Variants in DPF3 observed in about 807,000 individuals in gnomAD.
DPF3 encodes zinc finger protein DPF3.
In DPF3, 18 loss-of-function variants were observed where a neutral mutation model predicts 56.8. The ratio of observed to expected loss-of-function variants is 0.32; its 90% CI spans 0.22 to 0.47. The LOEUF is 0.47. DPF3 is among the 20% of genes least tolerant of loss of function. DPF3 has a pLI of 1.00. For synonymous variants in DPF3, 188 were observed against 180.2 expected, an observed-to-expected ratio of 1.04 and a Z score of -0.35; for missense variants, 403 against 488.8, an observed-to-expected ratio of 0.82 and a Z score of 1.65.
At chr14:72,794,049 GC>G (rs1486228414) in intron 1 of DPF3, among the ~76,000 whole-genome samples, 2 of 152,176 alleles carry the variant, frequency 1.3e-5, no homozygotes, top group African/African-American at 4.8e-5. Context: ...GCAGCAAAGC[GC>G]TTCAGTGAAA....
chr14:72,882,301 C>T (rs1187644181), intron 1 of DPF3, among the ~76,000 whole-genome samples: 1 of 152,128 alleles, frequency 6.6e-6, no homozygotes, highest in Non-Finnish European at 1.5e-5. Context: ...TACTTCTTTC[C>T]TTCTCCCTTT....
At chr14:72,693,271 A>G (rs1047470474) in intron 6 of DPF3, 58 bp from the exon 7 acceptor site, 1 of 1,563,316 alleles carries the variant, frequency 6.4e-7, no homozygotes, top group Non-Finnish European at 8.7e-7. Context: ...CTGTGCAGCC[A>G]CCGCTATCAT....
intron 7 of DPF3, among the ~76,000 whole-genome samples, chr14:72,686,574 T>C (rs868445128): frequency 1.3e-5 from 2 of 152,184 alleles, no homozygotes; most frequent in African/African-American, 2.4e-5. Flanking sequence ...TAGATGACCT[T>C]TGAGGCCAGA....
intron 2 of DPF3, among the ~76,000 whole-genome samples, chr14:72,760,478 C>T (rs553311710): frequency 1.3e-5 from 2 of 152,284 alleles, no homozygotes; most frequent in South Asian, 2.1e-4. Flanking sequence ...TTAATCCTGT[C>T]TTCGAAGTCC....
At chr14:72,681,285 A>C (rs1887157682) in intron 7 of DPF3, among the ~76,000 whole-genome samples, 1 of 152,198 alleles carries the variant, frequency 6.6e-6, no homozygotes, top group Non-Finnish European at 1.5e-5. Context: ...ATCGGGGCAC[A>C]GAAGAAGTGG....
At chr14:72,696,678 CA>C (rs1887913287) in intron 6 of DPF3, among the ~76,000 whole-genome samples, 1 of 152,180 alleles carries the variant, frequency 6.6e-6, no homozygotes, top group African/African-American at 2.4e-5. Context: ...CAAACCTAAG[CA>C]AAAAGCTCCC....
intron 4 of DPF3, among the ~76,000 whole-genome samples, chr14:72,724,761 T>C (rs1889327740): frequency 2.0e-5 from 3 of 149,486 alleles, no homozygotes; most frequent in Admixed American, 1.3e-4. Flanking sequence ...CAGGCTGGAG[T>C]GCAGTGGCAC....
At chr14:72,746,944 T>C (rs1890352244) in intron 3 of DPF3, among the ~76,000 whole-genome samples, 1 of 152,244 alleles carries the variant, frequency 6.6e-6, no homozygotes, top group Admixed American at 6.5e-5. Flanking sequence ...CAAAGCAGGC[T>C]GTGAACTCAG....
chr14:72,865,937 C>G (rs190658086), intron 1 of DPF3, among the ~76,000 whole-genome samples: 1 of 152,220 alleles, frequency 6.6e-6, no homozygotes, highest in Admixed American at 6.5e-5. Context: ...ATCCCAGCTA[C>G]TTGGGAGGCT....
chr14:72,766,551 G>C (rs1239489273), intron 2 of DPF3, among the ~76,000 whole-genome samples: 2 of 152,174 alleles, frequency 1.3e-5, no homozygotes, highest in East Asian at 3.9e-4. Flanking sequence ...TCCTGTGCTT[G>C]AGCAATCCTC....
At chr14:72,714,935 C>A (rs1203095782) in intron 5 of DPF3, among the ~76,000 whole-genome samples, 2 of 152,218 alleles carry the variant, frequency 1.3e-5, no homozygotes, top group African/African-American at 4.8e-5. Flanking sequence ...AGGTTGACAA[C>A]CCCAGGCCCC....
Position 72,612,331 on chromosome 14 carries a change from C to T in DPF3, c.*6966G>A. 2.3e-6 allele frequency: 1 copy of T among 435,460 alleles called. No homozygotes were observed. Among genetic ancestry groups the T allele is most frequent in the South Asian group, 1.8e-5 (1 of 56,396 alleles). The allele number at this position is 435,460 out of a possible 1,614,324, so 27.0% of individuals were successfully genotyped here. A position where few individuals can be genotyped will look rare whatever the true frequency, so the allele number is the denominator to read the frequency against. On this transcript the variant is annotated 3_prime_UTR_variant, in exon 11 of 11. Coordinates refer to ENST00000556509, the MANE Select transcript of DPF3 (RefSeq NM_001280542.3). ...AGCCAGGGACGCCCTGCCTACCTACCCCGCCTCTCTCCAGCCACCTGCTCC... is the reference window on the plus strand; with the variant it reads ...AGCCAGGGACGCCCTGCCTACCTACTCCGCCTCTCTCCAGCCACCTGCTCC...
At chr14:72,688,152 T>TGATGGATGGATGGATG (rs1208372778) in intron 7 of DPF3, among the ~76,000 whole-genome samples, 18 of 104,514 alleles carry the variant, frequency 1.7e-4, no homozygotes, top group African/African-American at 4.8e-4. Flanking sequence ...ATGAGATGGA[T>TGATGGATGGATGGATG]GATGGATGGA....
intron 1 of DPF3, among the ~76,000 whole-genome samples, chr14:72,842,790 G>A (rs1884600958): frequency 1.3e-5 from 2 of 152,186 alleles, no homozygotes; most frequent in Non-Finnish European, 1.5e-5. Context: ...TTGGGAGGCC[G>A]AGGCAGGCGG....
intron 1 of DPF3, among the ~76,000 whole-genome samples, chr14:72,878,360 A>G (rs1210604133): frequency 6.6e-6 from 1 of 152,234 alleles, no homozygotes; most frequent in Non-Finnish European, 1.5e-5. Flanking sequence ...GTGATCTGCT[A>G]TACTTGGTTG....
intron 8 of DPF3, among the ~76,000 whole-genome samples, chr14:72,656,693 C>CT (rs1347288990): frequency 1.3e-5 from 2 of 152,164 alleles, no homozygotes; most frequent in African/African-American, 2.4e-5. Flanking sequence ...CAGGGTAGAA[C>CT]TTGGAGAAAA....
chr14:72,867,416 G>A (rs192989530), intron 1 of DPF3, among the ~76,000 whole-genome samples: 132 of 152,180 alleles, frequency 8.7e-4, no homozygotes, highest in Non-Finnish European at 1.7e-3. Context: ...TCTCTAAGGT[G>A]GTTCCTAGAT....
chr14:72,811,390 C>G (rs1476492650), intron 1 of DPF3, among the ~76,000 whole-genome samples: 2 of 152,204 alleles, frequency 1.3e-5, no homozygotes, highest in African/African-American at 4.8e-5. Context: ...AAAGATAAGA[C>G]TGCCAGCCAA....
At position 72,612,868 on chromosome 14, in the gene DPF3, G is replaced by C. The variant is rs942482063; in HGVS notation, c.*6429C>G. ...TTTGCAACCCTGGTGGCTGTGCAGA[G>C]GCTGAGAGCTGGAGGAGCAGGACTG... On this transcript the variant is annotated 3_prime_UTR_variant, in exon 11 of 11. Transcript: ENST00000556509. Among the ~76,000 whole-genome samples, 1 of 152,214 alleles carries C rather than the reference G, an allele frequency of 6.6e-6. No homozygotes were observed. The highest frequency in any genetic ancestry group is 1.5e-5 in the Non-Finnish European group (1 of 68,032).
Sources: allele counts gnomAD v4.1 joint callset (sites outside exome capture counted in the v4.1 genomes callset), GRCh38; gene constraint gnomAD v4.1.1; transcripts MANE v1.5; gene names NCBI Gene and HGNC (gene_info 2026-07-23, HGNC 2026-07-21).